Variants in AMBRA1 observed in about 807,000 individuals in gnomAD.
The protein encoded by AMBRA1 is autophagy and beclin 1 regulator 1, also known as activating molecule in BECN1-regulated autophagy protein 1.
In AMBRA1, 47 loss-of-function variants were observed where a neutral mutation model predicts 125.4. The ratio of observed to expected loss-of-function variants is 0.37; its 90% CI spans 0.30 to 0.48. The LOEUF is 0.48. Ranked by LOEUF, AMBRA1 falls within the 20% of genes least tolerant of loss-of-function variation. The pLI, the probability that AMBRA1 is intolerant of heterozygous loss-of-function variation, is 0.99. For missense variants in AMBRA1, 1,331 were observed against 1,693.4 expected (o/e 0.79, Z 3.76); for synonymous variants, 626 against 655.5 (o/e 0.95, Z 0.69).
chr11:46,448,768 A>C (rs1948435116), intron 11 of AMBRA1, among the ~76,000 whole-genome samples: 1 of 152,214 alleles, frequency 6.6e-6, no homozygotes, highest in African/African-American at 2.4e-5. Flanking sequence ...GGCCATCACT[A>C]CTGATCCCAT....
intron 11 of AMBRA1, among the ~76,000 whole-genome samples, chr11:46,463,126 T>A (rs1185446285): frequency 6.6e-6 from 1 of 152,220 alleles, no homozygotes; most frequent in Non-Finnish European, 1.5e-5. Context: ...AGAAGCCCCA[T>A]GGCACTTTGT....
intron 1 of AMBRA1, among the ~76,000 whole-genome samples, chr11:46,586,324 G>A (rs1173059533): frequency 1.3e-5 from 2 of 152,226 alleles, no homozygotes; most frequent in South Asian, 2.1e-4. Flanking sequence ...CACAAGAATC[G>A]CTTGAACCCA....
intron 7 of AMBRA1, among the ~76,000 whole-genome samples, chr11:46,524,022 C>T (rs2135104188): frequency 6.6e-6 from 1 of 152,276 alleles, no homozygotes; most frequent in Admixed American, 6.5e-5. Context: ...GGATGCACCA[C>T]CATGCCCAGC....
intron 11 of AMBRA1, among the ~76,000 whole-genome samples, chr11:46,472,591 C>CG (rs1949643589): frequency 2.0e-5 from 3 of 152,142 alleles, no homozygotes; most frequent in African/African-American, 7.2e-5. Flanking sequence ...AGGAGAACAA[C>CG]CTGTCAACTT....
chr11:46,514,997 T>C (rs1487229393), intron 7 of AMBRA1, among the ~76,000 whole-genome samples: 6 of 152,208 alleles, frequency 3.9e-5, no homozygotes, highest in African/African-American at 1.4e-4. Context: ...GAACTGGGTG[T>C]GAGTTGAAGA....
At chr11:46,566,719 T>C (rs1431966783) in intron 1 of AMBRA1, among the ~76,000 whole-genome samples, 1 of 152,292 alleles carries the variant, frequency 6.6e-6, no homozygotes, top group Admixed American at 6.5e-5. Flanking sequence ...AAGAAAAGCA[T>C]GACAGTGAAA....
Position 46,585,957 on chromosome 11 carries a change from C to T in AMBRA1, c.-121+7871G>A, listed in dbSNP as rs568837262. ...AGTAGCTGAGATTACAGGCATGCAC[C>T]ACCACACCCAGCTAATTTGTATTTT... is the stretch of plus-strand genomic sequence containing the variant. On this transcript the variant is annotated intron_variant, in intron 1 of 17. Coordinates refer to ENST00000683756, the MANE Select transcript of AMBRA1 (RefSeq NM_001387011.1). Among the ~76,000 whole-genome samples, 4 of 150,724 alleles carry T rather than the reference C, an allele frequency of 2.7e-5. No homozygotes were observed. The Admixed American group carries it at 2.7e-4, about 10-fold the overall frequency.
chr11:46,426,543 G>A (rs1439312469), intron 14 of AMBRA1, among the ~76,000 whole-genome samples: 1 of 152,162 alleles, frequency 6.6e-6, no homozygotes, highest in Non-Finnish European at 1.5e-5. Context: ...AATCTGTCAT[G>A]GAAAAATTTC....
intron 11 of AMBRA1, among the ~76,000 whole-genome samples, chr11:46,487,617 A>G (rs1379132181): frequency 2.6e-5 from 4 of 152,156 alleles, no homozygotes; most frequent in Non-Finnish European, 5.9e-5. Flanking sequence ...AAATGTTTCT[A>G]TATCTTACCA....
intron 1 of AMBRA1, among the ~76,000 whole-genome samples, chr11:46,560,097 T>C (rs760366844): frequency 2.0e-5 from 3 of 152,148 alleles, no homozygotes; most frequent in Non-Finnish European, 4.4e-5. Flanking sequence ...ATTAACCACC[T>C]GACAAATTGA....
At chr11:46,546,272 T>C (rs1953013516) in intron 4 of AMBRA1, among the ~76,000 whole-genome samples, 1 of 152,114 alleles carries the variant, frequency 6.6e-6, no homozygotes. Context: ...ACTCCTGAAC[T>C]CAAGCAATCC....
intron 9 of AMBRA1, among the ~76,000 whole-genome samples, chr11:46,506,809 C>A (rs1951050173): frequency 6.6e-6 from 1 of 152,068 alleles, no homozygotes; most frequent in Non-Finnish European, 1.5e-5. Flanking sequence ...TGGAAAGAAA[C>A]ACAATGAATG....
chr11:46,400,194 G>A (rs1297610091), intron 17 of AMBRA1, among the ~76,000 whole-genome samples: 1 of 152,178 alleles, frequency 6.6e-6, no homozygotes, highest in African/African-American at 2.4e-5. Context: ...TGGCTCCACT[G>A]AACTGCTGAT....
chr11:46,483,008 C>CA (rs1163975208), intron 11 of AMBRA1, among the ~76,000 whole-genome samples: 64 of 94,446 alleles, frequency 6.8e-4, no homozygotes, highest in Middle Eastern at 6.3e-3. Context: ...GACTCTGTCT[C>CA]AAAAAAAAAA....
chr11:46,547,363 G>T, intron 3 of AMBRA1, 67 bp from the exon 4 acceptor site: 2 of 1,417,812 alleles, frequency 1.4e-6, no homozygotes, highest in South Asian at 1.4e-5. Flanking sequence ...TATCAACTTT[G>T]GACGACATAG....
rs772046544 is a variant in AMBRA1, at chr11:46,397,626, G to A, written c.3721C>T (p.Arg1241Trp). The change falls in exon 18 of 18, where the codon CGG (arginine) becomes TGG (tryptophan). Residue 1241 changes from arginine (R) to tryptophan (W), a missense_variant. Coordinates refer to ENST00000683756, the MANE Select transcript of AMBRA1 (RefSeq NM_001387011.1). ...ASWDQPGTPG[R>W]EPTQPTLPSS... The stretch of plus-strand genomic sequence containing the variant: ...GGCAGGGTTGGCTGGGTTGGCTCCC[G>A]CCCAGGGGTACCAGGCTGGTCCCAG... 1.7e-5 allele frequency: 28 copies of A among 1,611,486 alleles called. No individual in the cohort carries two copies. Among genetic ancestry groups the A allele is most frequent in the East Asian group, 4.5e-5 (2 of 44,826 alleles).
intron 1 of AMBRA1, among the ~76,000 whole-genome samples, chr11:46,588,871 A>G (rs1382152851): frequency 6.6e-6 from 1 of 152,138 alleles, no homozygotes; most frequent in East Asian, 1.9e-4. Context: ...GATTTCAATC[A>G]CAGCTCTACT....
At chr11:46,445,103 A>T (rs115529587) in intron 11 of AMBRA1, among the ~76,000 whole-genome samples, 149 of 152,092 alleles carry the variant, frequency 9.8e-4, no homozygotes, top group African/African-American at 3.4e-3. Context: ...AACTTAGTGT[A>T]ATCATTTGTT....
At chr11:46,475,869 C>A (rs1347029423) in intron 11 of AMBRA1, among the ~76,000 whole-genome samples, 1 of 152,188 alleles carries the variant, frequency 6.6e-6, no homozygotes, top group African/African-American at 2.4e-5. Flanking sequence ...AGAAAGCAGG[C>A]AGCTTCAAAT....
Sources: gnomAD v4.1 joint callset for allele counts (sites outside exome capture counted in the v4.1 genomes callset) on GRCh38, gnomAD v4.1.1 for gene constraint, MANE v1.5 for transcripts, NCBI Gene and HGNC (gene_info 2026-07-23, HGNC 2026-07-21) for gene names.